The following TAF3 variants were observed in gnomAD, a reference collection of about 807,000 sequenced individuals.
TAF3 encodes the protein TATA-box binding protein associated factor 3, also known as transcription initiation factor TFIID subunit 3.
In TAF3, 7 loss-of-function variants were observed where a neutral mutation model predicts 80.6. That is an observed-to-expected ratio of 0.09 (90% CI 0.05 to 0.16). The LOEUF is 0.16. Among genes scored for constraint, TAF3 ranks in the 10% least tolerant of loss-of-function variants. The pLI, the probability that TAF3 is intolerant of heterozygous loss-of-function variation, is 1.00. For missense variants in TAF3, 921 were observed against 1,140.2 expected, an observed-to-expected ratio of 0.81 and a Z score of 2.77; for synonymous variants, 444 against 446.1, an observed-to-expected ratio of 1.00 and a Z score of 0.06.
chr10:7,932,888 C>T (rs1837881887), intron 2 of TAF3, among the ~76,000 whole-genome samples: 1 of 151,850 alleles, frequency 6.6e-6, no homozygotes, highest in Non-Finnish European at 1.5e-5. Flanking sequence ...ATATATTGCC[C>T]AGCCTGGTCT....
chr10:7,999,841 G>C (rs989160709), intron 4 of TAF3, among the ~76,000 whole-genome samples: 1 of 151,986 alleles, frequency 6.6e-6, no homozygotes, highest in Non-Finnish European at 1.5e-5. Flanking sequence ...TTGTTGGTCT[G>C]CTATGGATGA....
intron 3 of TAF3, among the ~76,000 whole-genome samples, chr10:7,973,695 T>G (rs894091621): frequency 2.0e-5 from 3 of 152,218 alleles, no homozygotes; most frequent in Non-Finnish European, 4.4e-5. Context: ...TATAGGTAGC[T>G]TGTAAATGTT....
At chr10:7,833,165 C>T (rs1176913910) in intron 2 of TAF3, among the ~76,000 whole-genome samples, 1 of 152,194 alleles carries the variant, frequency 6.6e-6, no homozygotes, top group Admixed American at 6.5e-5. Flanking sequence ...CTGCAGTGAA[C>T]TTGGGAGAGC....
chr10:7,979,188 C>CA (rs1321222894), intron 4 of TAF3, among the ~76,000 whole-genome samples: 1 of 151,228 alleles, frequency 6.6e-6, no homozygotes, highest in Non-Finnish European at 1.5e-5. Flanking sequence ...ACTAAAAATA[C>CA]AAAAAATTAG....
chr10:7,888,346 AGTGG>A (rs1837428699), intron 2 of TAF3, among the ~76,000 whole-genome samples: 1 of 152,220 alleles, frequency 6.6e-6, no homozygotes, highest in Non-Finnish European at 1.5e-5. Context: ...TCATTGAGAC[AGTGG>A]AGAAAGTGTT....
At chr10:7,826,459 G>A (rs1016019750) in intron 2 of TAF3, among the ~76,000 whole-genome samples, 19 of 151,686 alleles carry the variant, frequency 1.3e-4, no homozygotes, top group African/African-American at 4.6e-4. Context: ...GTTTTGTTTT[G>A]TGTTGTTTTG....
At chr10:7,916,761 A>G (rs1837715134) in intron 2 of TAF3, among the ~76,000 whole-genome samples, 1 of 152,194 alleles carries the variant, frequency 6.6e-6, no homozygotes, top group Admixed American at 6.5e-5. Flanking sequence ...ATGGTTATAT[A>G]TCTTGTTGCC....
chr10:7,891,268 T>C (rs1837455013), intron 2 of TAF3, among the ~76,000 whole-genome samples: 1 of 152,234 alleles, frequency 6.6e-6, no homozygotes, highest in Non-Finnish European at 1.5e-5. Context: ...TCATCTTTTA[T>C]TGATTTATTT....
chr10:7,973,491 C>T (rs148666046), intron 3 of TAF3, among the ~76,000 whole-genome samples: 27 of 152,132 alleles, frequency 1.8e-4, no homozygotes, highest in Non-Finnish European at 2.9e-4. Flanking sequence ...GACTGCATTC[C>T]GTCTCAGTTT....
intron 2 of TAF3, among the ~76,000 whole-genome samples, chr10:7,960,747 C>T (rs1262207251): frequency 6.6e-6 from 1 of 152,086 alleles, no homozygotes; most frequent in Non-Finnish European, 1.5e-5. Context: ...TTTATTTTTT[C>T]CTCCAATTTC....
chr10:7,873,626 C>T (rs796851580), intron 2 of TAF3, among the ~76,000 whole-genome samples: 1,718 of 146,942 alleles, frequency 0.012, 58 homozygotes, highest in Non-Finnish European at 0.02. Flanking sequence ...CTCCCCCCCC[C>T]CCCGTCAAAA....
intron 2 of TAF3, among the ~76,000 whole-genome samples, chr10:7,924,567 C>T (rs886318203): frequency 2.4e-4 from 37 of 152,288 alleles, no homozygotes; most frequent in African/African-American, 8.7e-4. Context: ...TTTAACCTTT[C>T]CTAACACGGA....
intron 2 of TAF3, among the ~76,000 whole-genome samples, chr10:7,947,118 C>T (rs911150987): frequency 3.9e-5 from 6 of 152,160 alleles, no homozygotes; most frequent in African/African-American, 1.4e-4. Context: ...TTGTTTTAAT[C>T]TTTTCTGATT....
chr10:7,940,456 T>C lies in TAF3; in HGVS notation c.410-23464T>C, dbSNP rs1837965860. 2.0e-5 allele frequency among the ~76,000 whole-genome samples: 3 copies of C among 152,236 alleles called. 1 individual carries two copies. The South Asian group carries it at 6.2e-4, about 32-fold the overall frequency. On this transcript the variant is annotated intron_variant, in intron 2 of 6. Transcript: ENST00000344293. ...ATGATTTAAGACACAGTCCATGCCT[T>C]TGATAAGCTTATAGTTTCCTAATCC...
At chr10:7,922,547 G>A (rs998602330) in intron 2 of TAF3, among the ~76,000 whole-genome samples, 1 of 152,016 alleles carries the variant, frequency 6.6e-6, no homozygotes, top group African/African-American at 2.4e-5. Flanking sequence ...TTGTTCTTAT[G>A]TTAAGTAACA....
chr10:7,821,390 T>C (rs1836689168), intron 1 of TAF3, among the ~76,000 whole-genome samples: 1 of 152,166 alleles, frequency 6.6e-6, no homozygotes, highest in South Asian at 2.1e-4. Flanking sequence ...TTACTGAGCA[T>C]CACTTACGAA....
chr10:7,926,089 A>G (rs2131193153), intron 2 of TAF3, among the ~76,000 whole-genome samples: 1 of 152,304 alleles, frequency 6.6e-6, no homozygotes, highest in South Asian at 2.1e-4. Flanking sequence ...TTTGTTGTTT[A>G]TAAATATTGA....
At chr10:7,938,500 G>A (rs751412897) in intron 2 of TAF3, among the ~76,000 whole-genome samples, 2 of 152,150 alleles carry the variant, frequency 1.3e-5, no homozygotes, top group Non-Finnish European at 2.9e-5. Context: ...TGGTGAGTGG[G>A]AAGGCTTGAA....
At position 7,954,126 on chromosome 10, in the gene TAF3, A is replaced by G. The variant is rs191937604; in HGVS notation, c.410-9794A>G. Among the ~76,000 whole-genome samples the G allele has an allele frequency of 2.1e-4, 26 of 126,126 alleles. 2 individuals carry two copies. In the East Asian group the frequency reaches 2.9e-3, roughly 14 times the overall value. The allele number at this position is 126,126 out of a possible 152,430, so 82.7% of individuals were successfully genotyped here. On this transcript the variant is annotated intron_variant, in intron 2 of 6. Coordinates refer to ENST00000344293, the MANE Select transcript of TAF3 (RefSeq NM_031923.4). ...TAGAGTGCACTCCATAGGTGAATGA[A>G]TGAATTAGTCCCAGTTAACACAGAG...
Sources: allele counts gnomAD v4.1 joint callset (sites outside exome capture counted in the v4.1 genomes callset), GRCh38; gene constraint gnomAD v4.1.1; transcripts MANE v1.5; gene names NCBI Gene and HGNC (gene_info 2026-07-23, HGNC 2026-07-21).